ATP6V0B: variants seen among roughly 807,000 people sequenced by gnomAD.
The protein encoded by ATP6V0B is V-type proton ATPase 21 kDa proteolipid subunit c''.
Under a neutral mutation model 26.2 loss-of-function variants are expected in ATP6V0B, and 4 were observed. The ratio of observed to expected loss-of-function variants is 0.15; its 90% CI spans 0.08 to 0.35. The LOEUF (loss-of-function observed/expected upper bound fraction) is 0.35. Among genes scored for constraint, ATP6V0B ranks in the 10% least tolerant of loss-of-function variants. The pLI is 1.00. For missense variants in ATP6V0B, 175 were observed against 272.5 expected (o/e 0.64, Z 2.52); for synonymous variants, 110 against 105.8 (o/e 1.04, Z -0.24).
At chr1:43,977,851 C>T in intron 7 of ATP6V0B, 130 bp from the exon 8 acceptor site, 1 of 1,602,146 alleles carries the variant, frequency 6.2e-7, no homozygotes, top group Admixed American at 1.7e-5. Flanking sequence ...ACAGTGTGTC[C>T]ATCCTGGTTA....
At chr1:43,975,345 C>T (rs1022626981) in intron 1 of ATP6V0B, 1 of 586,444 alleles carries the variant, frequency 1.7e-6, no homozygotes, top group East Asian at 3.2e-5. Context: ...CGTCCTGCCA[C>T]TATCGCTGTC....
At chr1:43,975,764 A>C (rs1290795728) in intron 1 of ATP6V0B, 36 bp from the exon 2 acceptor site, 7 of 1,585,788 alleles carry the variant, frequency 4.4e-6, no homozygotes, top group Non-Finnish European at 6.0e-6. Flanking sequence ...TCTACCGAGC[A>C]GCCCGTAACC....
intron 7 of ATP6V0B, 101 bp from the exon 8 acceptor site, chr1:43,977,880 T>C: frequency 1.2e-6 from 2 of 1,613,148 alleles, no homozygotes; most frequent in Middle Eastern, 3.3e-4. Flanking sequence ...TCTCTTGTGG[T>C]CTGTCCATCC....
At position 43,976,043 on chromosome 1, in the gene ATP6V0B, G is replaced by C. The variant is rs1240775150; in HGVS notation, c.117-47G>C. The C allele has an allele frequency of 4.4e-6, 7 of 1,594,424 alleles. No homozygotes were observed. The Admixed American group carries it at 1.2e-4, about 27-fold the overall frequency. On this transcript the variant is annotated intron_variant, in intron 2 of 7. Coordinates refer to ENST00000472174, the MANE Select transcript of ATP6V0B (RefSeq NM_004047.5). The surrounding 1 kb of genome is among the most constrained non-coding windows in gnomAD (Gnocchi z 4.6). ...TTGAGGGGTTAAGATTTTGTGCTCC[G>C]CTTCCCTGCTAGAGCTGAACTGCTT...
Position 43,976,791 on chromosome 1 carries a change from C to T in ATP6V0B, c.367C>T (p.Pro123Ser). The T allele has an allele frequency of 1.2e-6, 2 of 1,614,192 alleles. No homozygotes were observed. The highest frequency in any genetic ancestry group is 1.3e-5 in the African/African-American group (1 of 75,036). The change falls in exon 6 of 8, where the codon CCC becomes TCC. Residue 123 changes from proline to serine, a missense_variant. Physicochemically the swap from Pro to Ser is moderately conservative, Grantham distance 74. Coordinates refer to ENST00000472174, the MANE Select transcript of ATP6V0B (RefSeq NM_004047.5). The surrounding 1 kb of genome is among the most constrained non-coding windows in gnomAD (Gnocchi z 4.6). ...NMAEPFSATD[P>S]KAIGHRNYHA... ...CCCTCAGCCTTTCAGTGCCACAGAC[C>T]CCAAGGCCATCGGCCATCGGAACTA...
chr1:43,977,883 G>A lies in ATP6V0B; in HGVS notation c.592-98G>A, dbSNP rs1459910168. On this transcript the variant is annotated intron_variant, in intron 7 of 7. Coordinates refer to ENST00000472174, the MANE Select transcript of ATP6V0B (RefSeq NM_004047.5). ...GTTAGTCATATATCTCTTGTGGTCT[G>A]TCCATCCAACCATGTGCTAGATGTC... The A allele has an allele frequency of 1.9e-6, 3 of 1,613,322 alleles. No individual in the cohort carries two copies. In the African/African-American group the frequency reaches 4.0e-5, roughly 22 times the overall value.
chr1:43,975,289 TGAG>T (rs1281650616), intron 1 of ATP6V0B, 182 bp downstream of exon 1: 1 of 788,662 alleles, frequency 1.3e-6, no homozygotes, highest in Middle Eastern at 2.3e-4. Context: ...TCCAGCTGCT[TGAG>T]GAGGGGTGCG....
chr1:43,976,079 T>C lies in ATP6V0B; in HGVS notation c.117-11T>C. The C allele has an allele frequency of 1.9e-6, 3 of 1,613,602 alleles. No individual in the cohort carries two copies. Among genetic ancestry groups the C allele is most frequent in the Non-Finnish European group, 2.5e-6 (3 of 1,179,534 alleles). Reference sequence around the variant, plus strand: ...AGAGCTGAACTGCTTTCTTCTCTGCTTCCACAACAGGTTCCTGACGGAGAC... The same window carrying C: ...AGAGCTGAACTGCTTTCTTCTCTGCCTCCACAACAGGTTCCTGACGGAGAC... On this transcript the variant is annotated splice_polypyrimidine_tract_variant and intron_variant, in intron 2 of 7. Coordinates refer to ENST00000472174, the MANE Select transcript of ATP6V0B (RefSeq NM_004047.5). This position sits in a 1 kb window ranked among gnomAD's most constrained non-coding sequence, Gnocchi z 4.6.
intron 7 of ATP6V0B, 162 bp downstream of exon 7, chr1:43,977,378 C>T (rs1183303677): frequency 2.0e-6 from 3 of 1,527,158 alleles, no homozygotes; most frequent in East Asian, 4.9e-5. Flanking sequence ...CCTACAGGGG[C>T]TCTCTATTTT....
chr1:43,977,325 C>T lies in ATP6V0B; in HGVS notation c.591+109C>T, dbSNP rs183768298. ...TTCTCTACCTATAACTATAGATTCC[C>T]CCAAACAGCTTCCACCTCCTCATTT... On this transcript the variant is annotated intron_variant, in intron 7 of 7. Coordinates refer to ENST00000472174, the MANE Select transcript of ATP6V0B (RefSeq NM_004047.5). 89 of 1,593,602 alleles carry T rather than the reference C, an allele frequency of 5.6e-5. 1 individual carries two copies. In the African/African-American group the frequency reaches 1.1e-3, roughly 20 times the overall value.
At position 43,975,125 on chromosome 1, in the gene ATP6V0B, C is replaced by T; in HGVS notation, c.67+18C>T. The stretch of plus-strand genomic sequence containing the variant: ...GGCCGTGGGTGAGGCCGGGTCCTGG[C>T]GGGCGGGAGCAGCATCGCGGCCGAG... On this transcript the variant is annotated intron_variant, in intron 1 of 7. Coordinates refer to ENST00000472174, the MANE Select transcript of ATP6V0B (RefSeq NM_004047.5). The T allele has an allele frequency of 1.4e-6, 2 of 1,409,960 alleles. No individual in the cohort carries two copies. The highest frequency in any genetic ancestry group is 9.2e-7 in the Non-Finnish European group (1 of 1,089,492). 87.3% of individuals were successfully genotyped at this position (1,409,960 alleles called of 1,614,324 possible). A position where few individuals can be genotyped will look rare whatever the true frequency, so the allele number is the denominator to read the frequency against.
chr1:43,977,405 T>C (rs1031698867), intron 7 of ATP6V0B, 189 bp downstream of exon 7: 15 of 1,509,058 alleles, frequency 9.9e-6, no homozygotes, highest in Non-Finnish European at 1.3e-5. Context: ...TGATTTGGTG[T>C]CACTGACAAC....
At chr1:43,977,256 C>T (rs1181818255) in intron 7 of ATP6V0B, 40 bp downstream of exon 7, 2 of 1,614,070 alleles carry the variant, frequency 1.2e-6, no homozygotes, top group Non-Finnish European at 1.7e-6. Context: ...TCCTTGTCCC[C>T]AACCTAGCCT....
intron 1 of ATP6V0B, 143 bp downstream of exon 1, chr1:43,975,250 C>A: frequency 9.4e-7 from 1 of 1,067,978 alleles, no homozygotes. Flanking sequence ...CTGCGAGGGC[C>A]TCTGACTCCG....
chr1:43,977,251 G>T (rs781153817), intron 7 of ATP6V0B, 35 bp downstream of exon 7: 6 of 1,614,186 alleles, frequency 3.7e-6, no homozygotes, highest in Admixed American at 1.7e-5. Flanking sequence ...CTGTGTCCTT[G>T]TCCCCAACCT....
chr1:43,977,048 C>T lies in ATP6V0B; in HGVS notation c.423C>T (p.Gly141=), dbSNP rs545564197. 15 of 1,608,282 alleles carry T rather than the reference C, an allele frequency of 9.3e-6. No individual in the cohort carries two copies. The East Asian group carries it at 3.4e-4, about 36-fold the overall frequency. Residue 141 remains glycine, a synonymous_variant, in exon 7 of 8, where the codon GGC becomes GGT. Coordinates refer to ENST00000472174, the MANE Select transcript of ATP6V0B (RefSeq NM_004047.5). ...YHAGYSMFGA[G]LTVGLSNLFC... ...CAGGCTACTCCATGTTTGGGGCTGGCCTCACCGTAGGCCTGTCTAACCTCT... is the reference window on the plus strand; with the variant it reads ...CAGGCTACTCCATGTTTGGGGCTGGTCTCACCGTAGGCCTGTCTAACCTCT...
At chr1:43,975,215 C>T (rs1226790534) in intron 1 of ATP6V0B, 108 bp downstream of exon 1, 2 of 1,280,584 alleles carry the variant, frequency 1.6e-6, no homozygotes, top group South Asian at 1.5e-5. Context: ...GCGCGCTCTG[C>T]ACCCGAGGCT....
At chr1:43,975,198 G>T (rs775532533) in intron 1 of ATP6V0B, 91 bp downstream of exon 1, 2 of 1,341,208 alleles carry the variant, frequency 1.5e-6, no homozygotes, top group East Asian at 2.9e-5. Context: ...GGGAATACTG[G>T]CCCCCCGCGC....
At chr1:43,975,569 G>A in intron 1 of ATP6V0B, 1 of 595,290 alleles carries the variant, frequency 1.7e-6, no homozygotes, top group Non-Finnish European at 3.0e-6. Context: ...GCTTGCGGGT[G>A]GCGACCCTGC....
Sources: allele counts gnomAD v4.1 joint callset, GRCh38; gene constraint gnomAD v4.1.1; non-coding constraint Gnocchi (gnomAD v3.1); transcripts MANE v1.5; gene names NCBI Gene and HGNC (gene_info 2026-07-23, HGNC 2026-07-21).